TTYH2: variants seen among roughly 807,000 people sequenced by gnomAD.
The protein encoded by TTYH2 is tweety family member 2.
In TTYH2, 49 loss-of-function variants were observed where a neutral mutation model predicts 68.3. The observed-to-expected ratio is 0.72, with a 90% CI of 0.57 to 0.91. The LOEUF (loss-of-function observed/expected upper bound fraction) is 0.91. TTYH2 is among the 40% of genes least tolerant of loss of function. The pLI is 0.00. For synonymous variants in TTYH2, 272 were observed against 300.8 expected (o/e 0.90, Z 0.99); for missense variants, 631 against 700.4 (o/e 0.90, Z 1.12).
chr17:74,248,186 C>T (rs1036398601), intron 6 of TTYH2: 2 of 816,872 alleles, frequency 2.4e-6, no homozygotes, highest in Non-Finnish European at 3.0e-6. Context: ...CCCTAAGGAA[C>T]AGGCCAGAGG....
At chr17:74,224,442 G>A (rs200735394) in intron 2 of TTYH2, among the ~76,000 whole-genome samples, 100 of 152,170 alleles carry the variant, frequency 6.6e-4, no homozygotes, top group Non-Finnish European at 9.6e-4. Context: ...ATACCCACAC[G>A]ACAAACTTGT....
At position 74,250,239 on chromosome 17, in the gene TTYH2, CCTCTCTCG is replaced by C. The variant is rs781108211; in HGVS notation, c.1024-19_1024-12del. 6.4e-7 allele frequency: 1 copy of C among 1,567,926 alleles called. No individual in the cohort carries two copies. The highest frequency in any genetic ancestry group is 8.6e-7 in the Non-Finnish European group (1 of 1,158,630). ...CCAGCTCTCCTCCACAGCCCCTCGGCCTCTCTCGCTCTCTTCCCGCTTCAGGAAGACCT... is the reference window on the plus strand; with the variant it reads ...CCAGCTCTCCTCCACAGCCCCTCGGCCTCTCTTCCCGCTTCAGGAAGACCT... On this transcript the variant is annotated intron_variant, in intron 9 of 13. Coordinates refer to ENST00000269346, the MANE Select transcript of TTYH2 (RefSeq NM_032646.6).
In TTYH2 at chr17:74,217,611, T is replaced by G. The variant is rs1360801393; in HGVS notation, c.129+3895T>G. Among the ~76,000 whole-genome samples the G allele has an allele frequency of 1.3e-5, 2 of 152,156 alleles. No homozygotes were observed. Among genetic ancestry groups the G allele is most frequent in the African/African-American group, 4.8e-5 (2 of 41,442 alleles). ...AGTCATGCCGCGCCTGGGAGAGGGCTTAATCTTTCCCAGTGGGCCTGGGAG... is the reference window on the plus strand; with the variant it reads ...AGTCATGCCGCGCCTGGGAGAGGGCGTAATCTTTCCCAGTGGGCCTGGGAG... On this transcript the variant is annotated intron_variant, in intron 1 of 13. Transcript: ENST00000269346. The surrounding 1 kb of genome is among the most constrained non-coding windows in gnomAD (Gnocchi z 4.0).
Position 74,241,294 on chromosome 17 carries a change from T to TGC in TTYH2, c.636-2079_636-2078insCG, listed in dbSNP as rs1555599445. Among the ~76,000 whole-genome samples the TGC allele has an allele frequency of 1.6e-3, 225 of 144,314 alleles. No homozygotes were observed. The highest frequency in any genetic ancestry group is 5.4e-3 in the African/African-American group (206 of 38,144). The allele number at this position is 144,314 out of a possible 152,430, so 94.7% of individuals were successfully genotyped here. A position where few individuals can be genotyped will look rare whatever the true frequency, so the allele number is the denominator to read the frequency against. On this transcript the variant is annotated intron_variant, in intron 4 of 13. Transcript: ENST00000269346. This position sits in a 1 kb window ranked among gnomAD's most constrained non-coding sequence, Gnocchi z 4.1. Reference sequence around the variant, plus strand: ...GTGTGTGTGTGTGTGTGTGTGTGTGTGTGCGTGTAAAAATAAGAATGTGAT... The same window carrying TGC: ...GTGTGTGTGTGTGTGTGTGTGTGTGTGCGTGCGTGTAAAAATAAGAATGTGAT...
At chr17:74,253,413 C>A in intron 12 of TTYH2, 147 bp downstream of exon 12, 1 of 942,326 alleles carries the variant, frequency 1.1e-6, no homozygotes, top group Admixed American at 3.0e-5. Context: ...GGAAGGCCCC[C>A]GGGGAGCATC....
Position 74,217,622 on chromosome 17 carries a change from C to G in TTYH2, c.129+3906C>G, listed in dbSNP as rs936210755. ...GCCTGGGAGAGGGCTTAATCTTTCC[C>G]AGTGGGCCTGGGAGGGAGACTCTCC... is the stretch of plus-strand genomic sequence containing the variant. On this transcript the variant is annotated intron_variant, in intron 1 of 13. Coordinates refer to ENST00000269346, the MANE Select transcript of TTYH2 (RefSeq NM_032646.6). The surrounding 1 kb of genome is among the most constrained non-coding windows in gnomAD (Gnocchi z 4.0). Among the ~76,000 whole-genome samples the G allele has an allele frequency of 1.1e-3, 162 of 152,284 alleles. No individual in the cohort carries two copies. The highest frequency in any genetic ancestry group is 3.7e-3 in the African/African-American group (153 of 41,564).
rs191431140 is a variant in TTYH2, at chr17:74,232,079, A to T, written c.414+1080A>T. On this transcript the variant is annotated intron_variant, in intron 3 of 13. Transcript: ENST00000269346. This position sits in a 1 kb window ranked among gnomAD's most constrained non-coding sequence, Gnocchi z 5.1. The stretch of plus-strand genomic sequence containing the variant: ...CTTGGCCCCCACACACGTCATTCTC[A>T]CTCTAAGCACCAGACCTTTTCAGCT... 5.1e-3 allele frequency among the ~76,000 whole-genome samples: 780 copies of T among 152,048 alleles called. 4 individuals carry two copies. Among genetic ancestry groups the T allele is most frequent in the Middle Eastern group, 0.017 (5 of 294 alleles).
At chr17:74,245,809 T>A (rs575423139) in intron 6 of TTYH2, among the ~76,000 whole-genome samples, 71 of 152,282 alleles carry the variant, frequency 4.7e-4, no homozygotes, top group Non-Finnish European at 9.4e-4. Flanking sequence ...AGCTTTTGTG[T>A]GGCCTCCCAA....
At chr17:74,216,664 G>T (rs960198867) in intron 1 of TTYH2, among the ~76,000 whole-genome samples, 42 of 152,214 alleles carry the variant, frequency 2.8e-4, no homozygotes, top group African/African-American at 8.7e-4. Context: ...CCAGCCTTGT[G>T]GGGAGGCTAC....
Position 74,225,806 on chromosome 17 carries a change from G to A in TTYH2, c.302+3149G>A, listed in dbSNP as rs185971876. On this transcript the variant is annotated intron_variant, in intron 2 of 13. Coordinates refer to ENST00000269346, the MANE Select transcript of TTYH2 (RefSeq NM_032646.6). ...CTGGCAGGGGAGCCCGAGACATTCCGTGTGAGGGATCAACCCCTGTAATGG... is the reference window on the plus strand; with the variant it reads ...CTGGCAGGGGAGCCCGAGACATTCCATGTGAGGGATCAACCCCTGTAATGG... 1.7e-3 allele frequency among the ~76,000 whole-genome samples: 257 copies of A among 152,294 alleles called. 2 individuals are homozygous for A. Among genetic ancestry groups the A allele is most frequent in the Non-Finnish European group, 3.5e-4 (24 of 68,038 alleles).
At chr17:74,233,753 G>T (rs1408365836) in intron 3 of TTYH2, among the ~76,000 whole-genome samples, 1 of 152,214 alleles carries the variant, frequency 6.6e-6, no homozygotes, top group Admixed American at 6.5e-5. Context: ...GGGATCAGGC[G>T]GTCCTGGGAG....
In TTYH2 at chr17:74,250,237, G is replaced by A. The variant is rs376529142; in HGVS notation, c.1024-28G>A. On this transcript the variant is annotated intron_variant, in intron 9 of 13. Coordinates refer to ENST00000269346, the MANE Select transcript of TTYH2 (RefSeq NM_032646.6). The stretch of plus-strand genomic sequence containing the variant: ...CGCCAGCTCTCCTCCACAGCCCCTC[G>A]GCCTCTCTCGCTCTCTTCCCGCTTC... 6.4e-5 allele frequency: 101 copies of A among 1,567,614 alleles called. No homozygotes were observed. The African/African-American group carries it at 1.1e-3, about 17-fold the overall frequency.
rs942265057 is a variant in TTYH2, at chr17:74,260,457, G to A, written c.*248G>A. The stretch of plus-strand genomic sequence containing the variant: ...CCCCCAGGTGCTTGGCTGCCTCAGA[G>A]GTACCATCCCTGAGCTGGCTGCCTG... On this transcript the variant is annotated 3_prime_UTR_variant, in exon 14 of 14. Transcript: ENST00000269346. The A allele has an allele frequency of 1.1e-5, 6 of 534,624 alleles. No individual in the cohort carries two copies. The highest frequency in any genetic ancestry group is 2.0e-5 in the Non-Finnish European group (6 of 295,634). The allele number at this position is 534,624 out of a possible 1,614,324, so 33.1% of individuals were successfully genotyped here. A position where few individuals can be genotyped will look rare whatever the true frequency, so the allele number is the denominator to read the frequency against.
At position 74,250,369 on chromosome 17, in the gene TTYH2, C is replaced by T. The variant is rs1483423235; in HGVS notation, c.1116+12C>T. On this transcript the variant is annotated intron_variant, in intron 10 of 13. Coordinates refer to ENST00000269346, the MANE Select transcript of TTYH2 (RefSeq NM_032646.6). ...GAGGGCTGCACAAGGTGCATGGGGA[C>T]CCTGGGGTCACGTGGAGAGTGTGAG... is the stretch of plus-strand genomic sequence containing the variant. 2 of 1,609,972 alleles carry T rather than the reference C, an allele frequency of 1.2e-6. No homozygotes were observed. Among genetic ancestry groups the T allele is most frequent in the Non-Finnish European group, 1.7e-6 (2 of 1,177,334 alleles).
At chr17:74,247,643 G>T (rs192096743) in intron 6 of TTYH2, among the ~76,000 whole-genome samples, 4 of 152,146 alleles carry the variant, frequency 2.6e-5, no homozygotes, top group Admixed American at 2.6e-4. Context: ...TGGTGGCCTC[G>T]CTCTTTATTT....
In TTYH2 at chr17:74,215,540, G is replaced by A; in HGVS notation, c.129+1824G>A. The A allele has an allele frequency of 4.1e-6, 5 of 1,228,958 alleles. No individual in the cohort carries two copies. Among genetic ancestry groups the A allele is most frequent in the Non-Finnish European group, 5.7e-6 (5 of 882,146 alleles). 76.1% of individuals were successfully genotyped at this position (1,228,958 alleles called of 1,614,324 possible). ...GCTGGGCATCAAATGGTTCCAGAGGGTGTCCCTTCCCATCGGCCACTGCTC... is the reference window on the plus strand; with the variant it reads ...GCTGGGCATCAAATGGTTCCAGAGGATGTCCCTTCCCATCGGCCACTGCTC... On this transcript the variant is annotated intron_variant, in intron 1 of 13. Coordinates refer to ENST00000269346, the MANE Select transcript of TTYH2 (RefSeq NM_032646.6). This position sits in a 1 kb window ranked among gnomAD's most constrained non-coding sequence, Gnocchi z 4.3.
At position 74,237,526 on chromosome 17, in the gene TTYH2, G is replaced by C; in HGVS notation, c.635+12G>C. 2 of 1,590,796 alleles carry C rather than the reference G, an allele frequency of 1.3e-6. No individual in the cohort carries two copies. The highest frequency in any genetic ancestry group is 1.7e-6 in the Non-Finnish European group (2 of 1,163,154). ...GTGGAGTACTACAGGTGAAGGACCGGTGGGAGGCAGAGGGAGGGGCAGCAG... is the reference window on the plus strand; with the variant it reads ...GTGGAGTACTACAGGTGAAGGACCGCTGGGAGGCAGAGGGAGGGGCAGCAG... On this transcript the variant is annotated intron_variant, in intron 4 of 13. Coordinates refer to ENST00000269346, the MANE Select transcript of TTYH2 (RefSeq NM_032646.6).
In TTYH2 at chr17:74,216,725, C is replaced by T. The variant is rs932573147; in HGVS notation, c.129+3009C>T. Among the ~76,000 whole-genome samples the T allele has an allele frequency of 3.9e-5, 6 of 152,336 alleles. 1 individual carries two copies. In the East Asian group the frequency reaches 5.8e-4, roughly 15 times the overall value. ...GTGAGCACCAAGGCAGGGCTGTGGACGAGGGCACCTTGGCCCTGGCGGGCA... is the reference window on the plus strand; with the variant it reads ...GTGAGCACCAAGGCAGGGCTGTGGATGAGGGCACCTTGGCCCTGGCGGGCA... On this transcript the variant is annotated intron_variant, in intron 1 of 13. Coordinates refer to ENST00000269346, the MANE Select transcript of TTYH2 (RefSeq NM_032646.6).
At chr17:74,244,680 G>A (rs1307206659) in intron 6 of TTYH2, among the ~76,000 whole-genome samples, 7 of 152,216 alleles carry the variant, frequency 4.6e-5, no homozygotes, top group Non-Finnish European at 5.9e-5. Context: ...GTGTGCATGA[G>A]GCTGTTCATT....
Sources: allele counts gnomAD v4.1 joint callset (sites outside exome capture counted in the v4.1 genomes callset), GRCh38; gene constraint gnomAD v4.1.1; non-coding constraint Gnocchi (gnomAD v3.1); transcripts MANE v1.5; gene names NCBI Gene and HGNC (gene_info 2026-07-23, HGNC 2026-07-21).